The following GRIN2A variants were observed in gnomAD, a reference collection of about 807,000 sequenced individuals.
GRIN2A encodes the protein glutamate receptor ionotropic, NMDA 2A.
In GRIN2A, 22 loss-of-function variants were observed where a neutral mutation model predicts 113.4. The observed-to-expected ratio is 0.19, with a 90% confidence interval of 0.14 to 0.28. The LOEUF (loss-of-function observed/expected upper bound fraction) is 0.28, where lower values mean the gene tolerates loss of function less well. Ranked by LOEUF, GRIN2A falls within the 10% of genes least tolerant of loss-of-function variation. The probability of loss-of-function intolerance (pLI) is 1.00; values close to 1 mark genes in which losing one functional copy is unlikely to be tolerated. For missense variants in GRIN2A, 1,502 were observed against 1,887.0 expected (o/e 0.80, Z 3.78); for synonymous variants, 827 against 738.4 (o/e 1.12, Z -1.94).
chr16:10,137,940 G>C (rs1232234088), intron 2 of GRIN2A, among the ~76,000 whole-genome samples: 1 of 152,180 alleles, frequency 6.6e-6, no homozygotes, highest in Non-Finnish European at 1.5e-5. Flanking sequence ...AGCTCCTTGA[G>C]ATAATGGGCT....
At position 9,758,464 on chromosome 16, in the gene GRIN2A, C is replaced by T. The variant is rs1363384750; in HGVS notation, c.*4685G>A. On this transcript the variant is annotated 3_prime_UTR_variant, in exon 13 of 13. Coordinates refer to ENST00000330684, the MANE Select transcript of GRIN2A (RefSeq NM_001134407.3). ...CAACTGAGATTAAAAAAATATAGTG[C>T]CCTCTCTACAGAAATATCCTCCCAT... is the stretch of plus-strand genomic sequence containing the variant. 4.6e-6 allele frequency: 1 copy of T among 218,532 alleles called. No individual in the cohort carries two copies. Among genetic ancestry groups the T allele is most frequent in the African/African-American group, 2.2e-5 (1 of 44,512 alleles). The allele number at this position is 218,532 out of a possible 1,614,324, so 13.5% of individuals were successfully genotyped here. A position where few individuals can be genotyped will look rare whatever the true frequency, so the allele number is the denominator to read the frequency against.
intron 2 of GRIN2A, among the ~76,000 whole-genome samples, chr16:10,011,524 A>G (rs948808503): frequency 6.6e-6 from 1 of 152,128 alleles, no homozygotes; most frequent in Non-Finnish European, 1.5e-5. Context: ...CATTTCCAAC[A>G]CAGGAGGAAA....
intron 2 of GRIN2A, among the ~76,000 whole-genome samples, chr16:9,960,088 A>G (rs539351665): frequency 1.6e-4 from 25 of 152,342 alleles, no homozygotes; most frequent in African/African-American, 5.3e-4. Context: ...ACACCCAACT[A>G]TCTGGCCCAG....
chr16:9,941,980 G>A (rs560745661), intron 2 of GRIN2A, among the ~76,000 whole-genome samples: 1 of 152,212 alleles, frequency 6.6e-6, no homozygotes, highest in Admixed American at 6.5e-5. Flanking sequence ...TCTGCACTCT[G>A]CTGTTGCCAA....
intron 10 of GRIN2A, among the ~76,000 whole-genome samples, chr16:9,806,579 C>T (rs1205427498): frequency 4.0e-5 from 6 of 151,030 alleles, no homozygotes; most frequent in African/African-American, 1.5e-4. Flanking sequence ...AGGAAGAGAA[C>T]TAGGGAGGAG....
At chr16:9,895,171 T>C (rs766041726) in intron 3 of GRIN2A, among the ~76,000 whole-genome samples, 8 of 152,192 alleles carry the variant, frequency 5.3e-5, no homozygotes, top group Non-Finnish European at 7.3e-5. Flanking sequence ...AATAGAGATA[T>C]GGACTAAGTT....
chr16:10,021,129 G>C (rs1171455536), intron 2 of GRIN2A, among the ~76,000 whole-genome samples: 1 of 151,758 alleles, frequency 6.6e-6, no homozygotes, highest in Non-Finnish European at 1.5e-5. Context: ...ACAGCCTTTG[G>C]AGAGCAGTCA....
At chr16:9,794,270 T>C (rs1330963926) in intron 11 of GRIN2A, among the ~76,000 whole-genome samples, 1 of 152,214 alleles carries the variant, frequency 6.6e-6, no homozygotes, top group Non-Finnish European at 1.5e-5. Context: ...AAACACTCCA[T>C]TCAAAGGTTA....
At chr16:10,169,235 A>G (rs1455149113) in intron 2 of GRIN2A, among the ~76,000 whole-genome samples, 1 of 152,012 alleles carries the variant, frequency 6.6e-6, no homozygotes, top group Non-Finnish European at 1.5e-5. Flanking sequence ...ATGCATTGCA[A>G]TTTTTCAACG....
At chr16:10,159,147 G>T (rs2049762269) in intron 2 of GRIN2A, among the ~76,000 whole-genome samples, 1 of 152,108 alleles carries the variant, frequency 6.6e-6, no homozygotes, top group South Asian at 2.1e-4. Flanking sequence ...CTACAATGAG[G>T]GTGGTGGTCC....
chr16:9,777,868 G>C (rs539355414), intron 11 of GRIN2A, among the ~76,000 whole-genome samples: 1 of 152,136 alleles, frequency 6.6e-6, no homozygotes, highest in African/African-American at 2.4e-5. Context: ...GTTTGAGACC[G>C]GCCTGGCCAA....
chr16:9,758,280 T>C lies in GRIN2A; in HGVS notation c.*4869A>G, dbSNP rs535750989. 4.5e-6 allele frequency: 1 copy of C among 223,974 alleles called. No homozygotes were observed. The highest frequency in any genetic ancestry group is 8.9e-6 in the Non-Finnish European group (1 of 112,154). The allele number at this position is 223,974 out of a possible 1,614,324, so 13.9% of individuals were successfully genotyped here. On this transcript the variant is annotated 3_prime_UTR_variant, in exon 13 of 13. Coordinates refer to ENST00000330684, the MANE Select transcript of GRIN2A (RefSeq NM_001134407.3). ...AATAGGAAATCTATGCCCTTTGATG[T>C]GTTTAAGGAAATCACACACAAGTCC...
intron 3 of GRIN2A, among the ~76,000 whole-genome samples, chr16:9,925,576 A>G (rs1289834300): frequency 6.6e-6 from 1 of 152,156 alleles, no homozygotes; most frequent in African/African-American, 2.4e-5. Context: ...TGAATCCCCT[A>G]TCCTTAAGTT....
intron 3 of GRIN2A, among the ~76,000 whole-genome samples, chr16:9,892,387 C>A (rs2043712079): frequency 9.2e-5 from 14 of 152,002 alleles, no homozygotes; most frequent in Admixed American, 9.2e-4. Context: ...TTCTTACAAA[C>A]CAGGTCAAAG....
chr16:9,868,615 A>G (rs1269489334), intron 4 of GRIN2A, among the ~76,000 whole-genome samples: 1 of 152,016 alleles, frequency 6.6e-6, no homozygotes, highest in Admixed American at 6.6e-5. Flanking sequence ...TCCACTCCCC[A>G]GCTTGTGGCC....
At chr16:9,963,532 T>A (rs895036616) in intron 2 of GRIN2A, among the ~76,000 whole-genome samples, 2 of 152,138 alleles carry the variant, frequency 1.3e-5, no homozygotes, top group African/African-American at 4.8e-5. Context: ...ACATGTGGTG[T>A]TAAACAATTT....
At chr16:9,787,870 G>C (rs1453143783) in intron 11 of GRIN2A, among the ~76,000 whole-genome samples, 1 of 152,136 alleles carries the variant, frequency 6.6e-6, no homozygotes, top group Non-Finnish European at 1.5e-5. Flanking sequence ...GAGGCTGCTG[G>C]TTGTAATGGG....
At chr16:9,783,103 C>A (rs772356693) in intron 11 of GRIN2A, among the ~76,000 whole-genome samples, 2 of 152,234 alleles carry the variant, frequency 1.3e-5, no homozygotes, top group South Asian at 4.2e-4. Context: ...ATGATCACCC[C>A]CTTCTGATGT....
In GRIN2A at chr16:9,754,647, A is replaced by C. The variant is rs1900285786; in HGVS notation, c.*8502T>G. 1 of 215,936 alleles carries C rather than the reference A, an allele frequency of 4.6e-6. No individual in the cohort carries two copies. The highest frequency in any genetic ancestry group is 2.3e-5 in the African/African-American group (1 of 44,416). 13.4% of individuals were successfully genotyped at this position (215,936 alleles called of 1,614,324 possible). A position where few individuals can be genotyped will look rare whatever the true frequency, so the allele number is the denominator to read the frequency against. On this transcript the variant is annotated 3_prime_UTR_variant, in exon 13 of 13. Coordinates refer to ENST00000330684, the MANE Select transcript of GRIN2A (RefSeq NM_001134407.3). ...ACTTAATAAACTAAAGATTTAAAAA[A>C]ATTTAAAAAAGATTTTAAAAGTCAA...
Sources: allele counts gnomAD v4.1 joint callset (sites outside exome capture counted in the v4.1 genomes callset), GRCh38; gene constraint gnomAD v4.1.1; transcripts MANE v1.5; gene names NCBI Gene and HGNC (gene_info 2026-07-23, HGNC 2026-07-21).